The following GOLGA1 variants were observed in gnomAD, a reference collection of about 807,000 sequenced individuals.
GOLGA1 encodes the protein golgin A1.
A neutral mutation model predicts 119.7 loss-of-function variants in GOLGA1; 63 were observed. That is an observed-to-expected ratio of 0.53 (90% CI 0.43 to 0.65). GOLGA1 has a LOEUF of 0.65. Among genes scored for constraint, GOLGA1 ranks in the 30% least tolerant of loss-of-function variants. GOLGA1 has a pLI of 0.00. For missense variants in GOLGA1, 798 were observed against 912.8 expected, an observed-to-expected ratio of 0.87 and a Z score of 1.62; for synonymous variants, 318 against 333.4, an observed-to-expected ratio of 0.95 and a Z score of 0.50.
At chr9:124,929,481 C>G (rs778715741) in intron 4 of GOLGA1, among the ~76,000 whole-genome samples, 191 bp from the exon 5 acceptor site, 24 of 152,164 alleles carry the variant, frequency 1.6e-4, no homozygotes, top group Non-Finnish European at 3.2e-4. Context: ...TACAAACTAT[C>G]CATGGTGTAT....
At chr9:124,945,540 C>G (rs1020534539), upstream of GOLGA1, 5 of 147,432 alleles carry the variant, frequency 3.4e-5, no homozygotes, top group African/African-American at 1.3e-4. Context: ...GGGCAACGAG[C>G]AAAACTCCAT....
upstream of GOLGA1, among the ~76,000 whole-genome samples, chr9:124,941,436 G>T (rs1180617111): frequency 6.6e-6 from 1 of 152,210 alleles, no homozygotes; most frequent in Non-Finnish European, 1.5e-5. Context: ...CTACAAACCC[G>T]GCCGGGGCTG....
At chr9:124,941,111 C>T (rs1831010836), upstream of GOLGA1, 1 of 146,476 alleles carries the variant, frequency 6.8e-6, no homozygotes, top group Admixed American at 6.7e-5. Context: ...CCGGAAGTGA[C>T]TGCGCGGTGG....
Position 124,921,373 on chromosome 9 carries a change from C to T in GOLGA1, c.732-133G>A, listed in dbSNP as rs151065094. 3.7e-4 allele frequency: 245 copies of T among 656,490 alleles called. 1 individual carries two copies. In the East Asian group the frequency reaches 5.9e-3, roughly 16 times the overall value. 40.7% of individuals were successfully genotyped at this position (656,490 alleles called of 1,614,324 possible). A position where few individuals can be genotyped will look rare whatever the true frequency, so the allele number is the denominator to read the frequency against. On this transcript the variant is annotated intron_variant, in intron 9 of 22. Transcript: ENST00000373555. ...TCATTAGCCACATGCAGGTTTTCAACGGAAAAAGCCTCGGCTCTCTCTGAA... is the reference window on the plus strand; with the variant it reads ...TCATTAGCCACATGCAGGTTTTCAATGGAAAAAGCCTCGGCTCTCTCTGAA...
intron 8 of GOLGA1, among the ~76,000 whole-genome samples, chr9:124,922,854 T>G (rs1206425170): frequency 2.0e-5 from 3 of 151,590 alleles, no homozygotes; most frequent in African/African-American, 7.3e-5. Context: ...ATATACCCAG[T>G]AGTTAAAAAC....
At chr9:124,907,348 T>TA (rs1321420957) in intron 12 of GOLGA1, among the ~76,000 whole-genome samples, 2 of 152,200 alleles carry the variant, frequency 1.3e-5, no homozygotes, top group Non-Finnish European at 2.9e-5. Context: ...GTAAGTGAAT[T>TA]AGAGATTTAT....
upstream of GOLGA1, chr9:124,943,445 T>G (rs1831091862): frequency 6.6e-6 from 1 of 152,212 alleles, no homozygotes; most frequent in African/African-American, 2.4e-5. Context: ...GCTTCATTAT[T>G]TGCACGACAG....
At chr9:124,886,085 T>C (rs886973132) in intron 19 of GOLGA1, among the ~76,000 whole-genome samples, 1 of 152,194 alleles carries the variant, frequency 6.6e-6, no homozygotes. Flanking sequence ...AAAGGTGGCA[T>C]GGCAGCCAGG....
chr9:124,894,938 C>G (rs1412489789), intron 15 of GOLGA1, among the ~76,000 whole-genome samples: 1 of 151,922 alleles, frequency 6.6e-6, no homozygotes. Flanking sequence ...AGAGACCCTC[C>G]ACAACAGAGA....
At chr9:124,885,094 C>T (rs545836382) in intron 19 of GOLGA1, among the ~76,000 whole-genome samples, 5 of 152,218 alleles carry the variant, frequency 3.3e-5, no homozygotes, top group African/African-American at 7.2e-5. Context: ...TTTGGGAGGC[C>T]GAGGCGGGCA....
chr9:124,882,963 G>A (rs140997387), intron 19 of GOLGA1, among the ~76,000 whole-genome samples: 60 of 152,312 alleles, frequency 3.9e-4, no homozygotes, highest in East Asian at 3.3e-3. Context: ...ATACTTAGGC[G>A]AGGACTTACG....
At chr9:124,907,901 A>G (rs1011361927) in intron 12 of GOLGA1, among the ~76,000 whole-genome samples, 3 of 152,186 alleles carry the variant, frequency 2.0e-5, no homozygotes, top group African/African-American at 7.2e-5. Flanking sequence ...CTCCTATAGT[A>G]CTTAGTCTCT....
intron 10 of GOLGA1, among the ~76,000 whole-genome samples, chr9:124,914,803 C>G (rs1830410120): frequency 6.6e-6 from 1 of 152,230 alleles, no homozygotes; most frequent in Non-Finnish European, 1.5e-5. Flanking sequence ...ATTTGTTCCC[C>G]TACACATCAA....
chr9:124,928,307 T>C (rs371370795), intron 5 of GOLGA1, 22 bp from the exon 6 acceptor site: 7 of 1,325,794 alleles, frequency 5.3e-6, no homozygotes, highest in Non-Finnish European at 6.5e-6. Context: ...GAGGCTCTAT[T>C]TGAGATATGA....
At chr9:124,911,017 A>G (rs1830328454) in intron 11 of GOLGA1, among the ~76,000 whole-genome samples, 1 of 152,244 alleles carries the variant, frequency 6.6e-6, no homozygotes, top group African/African-American at 2.4e-5. Flanking sequence ...AAGCATGGAC[A>G]TTCTGATTCT....
At chr9:124,882,720 C>A (rs568767185) in intron 19 of GOLGA1, 151 bp from the exon 20 acceptor site, 64 of 659,526 alleles carry the variant, frequency 9.7e-5, no homozygotes, top group Non-Finnish European at 1.6e-4. Context: ...TCAGCTGTCG[C>A]ATGCTTGTGC....
chr9:124,891,284 A>T (rs1483380465), intron 15 of GOLGA1, among the ~76,000 whole-genome samples: 1 of 152,232 alleles, frequency 6.6e-6, no homozygotes, highest in Non-Finnish European at 1.5e-5. Context: ...AGCTTGCAGA[A>T]GCCACCAGGC....
chr9:124,942,250 A>G (rs1831055463), upstream of GOLGA1, among the ~76,000 whole-genome samples: 1 of 152,216 alleles, frequency 6.6e-6, no homozygotes, highest in Non-Finnish European at 1.5e-5. Flanking sequence ...AGCCTGGGCA[A>G]CAAGAGCGAA....
chr9:124,880,343 G>A lies in GOLGA1; in HGVS notation c.*187C>T. The A allele has an allele frequency of 4.1e-6, 2 of 483,592 alleles. No individual in the cohort carries two copies. The highest frequency in any genetic ancestry group is 4.2e-5 in the South Asian group (2 of 47,914). The allele number at this position is 483,592 out of a possible 1,614,324, so 30.0% of individuals were successfully genotyped here. A position where few individuals can be genotyped will look rare whatever the true frequency, so the allele number is the denominator to read the frequency against. ...TCCTGTTTGGTGACCAGAATGACAG[G>A]ATCAGCTACCCCCTGAGGTTCAGGT... is the stretch of plus-strand genomic sequence containing the variant. On this transcript the variant is annotated 3_prime_UTR_variant, in exon 23 of 23. Coordinates refer to ENST00000373555, the MANE Select transcript of GOLGA1 (RefSeq NM_002077.4).
Sources: gnomAD v4.1 joint callset for allele counts (sites outside exome capture counted in the v4.1 genomes callset) on GRCh38, gnomAD v4.1.1 for gene constraint, MANE v1.5 for transcripts, NCBI Gene and HGNC (gene_info 2026-07-23, HGNC 2026-07-21) for gene names.